RPS6KA2: variants seen among roughly 807,000 people sequenced by gnomAD.
RPS6KA2 encodes ribosomal protein S6 kinase A2.
A neutral mutation model predicts 91.8 loss-of-function variants in RPS6KA2; 42 were observed. That is an observed-to-expected ratio of 0.46 (90% CI 0.36 to 0.59). The LOEUF (loss-of-function observed/expected upper bound fraction) is 0.59, where lower values mean the gene tolerates loss of function less well. Among genes scored for constraint, RPS6KA2 ranks in the 20% least tolerant of loss-of-function variants. The pLI is 0.00. For synonymous variants in RPS6KA2, 414 were observed against 393.6 expected, an observed-to-expected ratio of 1.05 and a Z score of -0.61; for missense variants, 798 against 978.5, an observed-to-expected ratio of 0.82 and a Z score of 2.46.
At chr6:166,855,197 G>C (rs1193977616) in intron 2 of RPS6KA2, among the ~76,000 whole-genome samples, 1 of 152,148 alleles carries the variant, frequency 6.6e-6, no homozygotes, top group Non-Finnish European at 1.5e-5. Flanking sequence ...GTGGGAGTGG[G>C]GGCGAGGATG....
chr6:166,761,787 T>C (rs1022197614), intron 2 of RPS6KA2, among the ~76,000 whole-genome samples: 1 of 152,036 alleles, frequency 6.6e-6, no homozygotes, highest in Non-Finnish European at 1.5e-5. Flanking sequence ...CCCGGGGAGA[T>C]AGGAAGGTGG....
intron 3 of RPS6KA2, among the ~76,000 whole-genome samples, chr6:166,527,765 C>T (rs1002891593): frequency 1.3e-5 from 2 of 152,202 alleles, no homozygotes; most frequent in Non-Finnish European, 1.5e-5. Context: ...TCTCTAGGGT[C>T]TGCCTCTCCT....
intron 14 of RPS6KA2, among the ~76,000 whole-genome samples, chr6:166,438,284 G>T (rs1159949406): frequency 6.6e-6 from 1 of 151,908 alleles, no homozygotes; most frequent in East Asian, 1.9e-4. Flanking sequence ...TCTTTTTTTG[G>T]TTGGCAAATT....
chr6:166,727,017 C>T (rs907649360), intron 2 of RPS6KA2, among the ~76,000 whole-genome samples: 3 of 152,172 alleles, frequency 2.0e-5, no homozygotes, highest in Non-Finnish European at 4.4e-5. Context: ...CAGAAACTTA[C>T]ACGACTTTAT....
At chr6:166,442,854 C>T (rs1465396706) in intron 14 of RPS6KA2, among the ~76,000 whole-genome samples, 1 of 152,184 alleles carries the variant, frequency 6.6e-6, no homozygotes, top group Non-Finnish European at 1.5e-5. Flanking sequence ...GTGACACAAG[C>T]TAACATTTCT....
At chr6:166,525,270 C>A (rs977766269) in intron 3 of RPS6KA2, among the ~76,000 whole-genome samples, 2 of 152,164 alleles carry the variant, frequency 1.3e-5, no homozygotes, top group Admixed American at 6.5e-5. Flanking sequence ...GAACGGTTAC[C>A]TGTAATAACT....
intron 2 of RPS6KA2, among the ~76,000 whole-genome samples, chr6:166,654,616 A>C (rs558394816): frequency 2.0e-5 from 3 of 152,344 alleles, no homozygotes; most frequent in African/African-American, 7.2e-5. Context: ...TTATTTGTCG[A>C]ATCTCAACAG....
intron 3 of RPS6KA2, among the ~76,000 whole-genome samples, chr6:166,523,787 C>T (rs1334442930): frequency 2.6e-5 from 4 of 152,190 alleles, no homozygotes; most frequent in Non-Finnish European, 4.4e-5. Flanking sequence ...TCTAACGAAG[C>T]ATCTCAGCAT....
intron 1 of RPS6KA2, among the ~76,000 whole-genome samples, chr6:166,562,427 C>A (rs553981002): frequency 6.6e-6 from 1 of 152,132 alleles, no homozygotes; most frequent in South Asian, 2.1e-4. Flanking sequence ...ACATAGCACA[C>A]GTAGAATCAA....
intron 2 of RPS6KA2, among the ~76,000 whole-genome samples, chr6:166,672,662 T>C (rs66472369): frequency 1.3e-5 from 2 of 152,272 alleles, no homozygotes; most frequent in South Asian, 2.1e-4. Flanking sequence ...GTTTATTTTC[T>C]GAGAGAAAGG....
At chr6:166,787,301 A>G (rs1411141450) in intron 2 of RPS6KA2, among the ~76,000 whole-genome samples, 1 of 152,212 alleles carries the variant, frequency 6.6e-6, no homozygotes, top group African/African-American at 2.4e-5. Flanking sequence ...TATATGATGG[A>G]AAACTCTAGC....
intron 2 of RPS6KA2, among the ~76,000 whole-genome samples, chr6:166,712,587 C>T (rs1239254656): frequency 2.0e-5 from 3 of 152,184 alleles, no homozygotes; most frequent in Admixed American, 6.5e-5. Flanking sequence ...GACGCACGGA[C>T]GGGCTGTGGC....
At chr6:166,511,791 T>TA (rs754906173) in intron 3 of RPS6KA2, among the ~76,000 whole-genome samples, 5 of 151,948 alleles carry the variant, frequency 3.3e-5, no homozygotes, top group Non-Finnish European at 7.4e-5. Flanking sequence ...AAAAAGAAAA[T>TA]AGAAAATTAC....
At chr6:166,460,134 A>G (rs889850823) in intron 11 of RPS6KA2, among the ~76,000 whole-genome samples, 27 of 152,232 alleles carry the variant, frequency 1.8e-4, no homozygotes, top group Non-Finnish European at 3.5e-4. Context: ...GGGTGTCAGA[A>G]TGAGGGCGCC....
chr6:166,487,111 A>G (rs1056450038), intron 10 of RPS6KA2, among the ~76,000 whole-genome samples: 3 of 152,234 alleles, frequency 2.0e-5, no homozygotes, highest in African/African-American at 4.8e-5. Flanking sequence ...CCTTTTACGC[A>G]GGTATGGCTA....
In RPS6KA2 at chr6:166,510,507, T is replaced by C; in HGVS notation, c.299-150A>G. On this transcript the variant is annotated intron_variant, in intron 3 of 20. Transcript: ENST00000265678. Reference sequence around the variant, plus strand: ...ACTTGAAAAAGTTGTACAATAATCCTAGATTTAACAACTGCTTACGTTTTA... The same window carrying C: ...ACTTGAAAAAGTTGTACAATAATCCCAGATTTAACAACTGCTTACGTTTTA... 2 of 375,492 alleles carry C rather than the reference T, an allele frequency of 5.3e-6. 1 individual carries two copies. The highest frequency in any genetic ancestry group is 9.2e-5 in the South Asian group (2 of 21,692). 23.3% of individuals were successfully genotyped at this position (375,492 alleles called of 1,614,324 possible).
intron 2 of RPS6KA2, among the ~76,000 whole-genome samples, chr6:166,680,665 G>A (rs1373675322): frequency 6.6e-6 from 1 of 152,178 alleles, no homozygotes; most frequent in East Asian, 1.9e-4. Flanking sequence ...AAGGTTTGCA[G>A]CTTCATTCCT....
chr6:166,432,416 G>A lies in RPS6KA2; in HGVS notation c.1407C>T (p.Ile469=). The change falls in exon 15 of 21, where the codon ATC becomes ATT. Residue 469 remains isoleucine, a synonymous_variant. Transcript: ENST00000265678. ...ILLRYGQHPN[I]ITLKDVYDDG... The stretch of plus-strand genomic sequence containing the variant: ...GACCACTCACATCCTTGAGGGTGAT[G>A]ATGTTCGGGTGCTGGCCGTACCGCA... 1 of 1,612,022 alleles carries A rather than the reference G, an allele frequency of 6.2e-7. No individual in the cohort carries two copies. Among genetic ancestry groups the A allele is most frequent in the Non-Finnish European group, 8.5e-7 (1 of 1,178,188 alleles).
In RPS6KA2 at chr6:166,714,398, C is replaced by T. The variant is rs999926690; in HGVS notation, c.123+143802G>A. ...GGAGGTGAAAGAAAATAGTTATTTA[C>T]TGGTTCCTTATGGTTGAATTGTATA... On this transcript the variant is annotated intron_variant, in intron 2 of 21. Transcript: ENST00000503859. Among the ~76,000 whole-genome samples the T allele has an allele frequency of 3.9e-5, 6 of 152,336 alleles. No homozygotes were observed. In the South Asian group the frequency reaches 8.3e-4, roughly 21 times the overall value.
Sources: allele counts gnomAD v4.1 joint callset (sites outside exome capture counted in the v4.1 genomes callset), GRCh38; gene constraint gnomAD v4.1.1; transcripts MANE v1.5; gene names NCBI Gene and HGNC (gene_info 2026-07-23, HGNC 2026-07-21).